The following CREB3L2 variants were observed in gnomAD, a reference collection of about 807,000 sequenced individuals.
CREB3L2 encodes the protein cAMP responsive element binding protein 3 like 2.
In CREB3L2, 23 loss-of-function variants were observed where a neutral mutation model predicts 57.2. The observed-to-expected ratio is 0.40, with a 90% CI of 0.29 to 0.57. The LOEUF (loss-of-function observed/expected upper bound fraction) is 0.57, where lower values mean the gene tolerates loss of function less well. Ranked by LOEUF, CREB3L2 falls within the 20% of genes least tolerant of loss-of-function variation. CREB3L2 has a pLI of 0.42. For synonymous variants in CREB3L2, 268 were observed against 265.1 expected, an observed-to-expected ratio of 1.01 and a Z score of -0.11; for missense variants, 628 against 634.7, an observed-to-expected ratio of 0.99 and a Z score of 0.11.
chr7:137,958,727 A>T (rs560938762), intron 1 of CREB3L2, among the ~76,000 whole-genome samples: 44 of 152,224 alleles, frequency 2.9e-4, no homozygotes, highest in Non-Finnish European at 5.7e-4. Flanking sequence ...AAAGACAACA[A>T]ATAAGCTGCT....
intron 1 of CREB3L2, among the ~76,000 whole-genome samples, chr7:137,958,533 T>C (rs775854833): frequency 3.3e-5 from 5 of 151,924 alleles, no homozygotes. Flanking sequence ...AGAAAAGAAA[T>C]CCTTGGCTGC....
intron 8 of CREB3L2, among the ~76,000 whole-genome samples, chr7:137,897,761 T>G (rs1483523495): frequency 2.6e-5 from 4 of 152,224 alleles, no homozygotes; most frequent in African/African-American, 9.6e-5. Context: ...AACAAAGAAG[T>G]ATGTACAATA....
chr7:137,946,808 A>ATATAGTTATC (rs1554501008), intron 1 of CREB3L2, among the ~76,000 whole-genome samples: 1 of 70,134 alleles, frequency 1.4e-5, no homozygotes, highest in African/African-American at 6.2e-5. Context: ...ATATAGTTAT[A>ATATAGTTATC]TATAGTTATC....
intron 1 of CREB3L2, among the ~76,000 whole-genome samples, chr7:137,966,749 C>G (rs1801414341): frequency 6.6e-6 from 1 of 152,200 alleles, no homozygotes; most frequent in Non-Finnish European, 1.5e-5. Flanking sequence ...TACTGACAAG[C>G]TGCTAGAACT....
At chr7:137,952,453 C>T (rs1349595128) in intron 1 of CREB3L2, among the ~76,000 whole-genome samples, 2 of 152,224 alleles carry the variant, frequency 1.3e-5, no homozygotes, top group Non-Finnish European at 1.5e-5. Context: ...CTTAGAGAAA[C>T]AGTGTCCATG....
At position 137,936,187 on chromosome 7, in the gene CREB3L2, C is replaced by CA. The variant is rs1800780378; in HGVS notation, c.103-7822dup. On this transcript the variant is annotated intron_variant, in intron 1 of 11. Transcript: ENST00000330387. ...TGAATAAAGGTCAGTCTTATAAAGA[C>CA]AGAGTTATCCCAAGGTGCAAAATGA... is the stretch of plus-strand genomic sequence containing the variant. 2.0e-5 allele frequency among the ~76,000 whole-genome samples: 3 copies of CA among 152,326 alleles called. No individual in the cohort carries two copies. The South Asian group carries it at 6.2e-4, about 32-fold the overall frequency.
chr7:137,890,504 C>T (rs1181676257), intron 8 of CREB3L2, among the ~76,000 whole-genome samples: 1 of 152,202 alleles, frequency 6.6e-6, no homozygotes, highest in African/African-American at 2.4e-5. Context: ...AGGATGACTG[C>T]TATGTGCCTT....
At chr7:137,912,035 G>C (rs886967121) in intron 4 of CREB3L2, among the ~76,000 whole-genome samples, 21 of 152,042 alleles carry the variant, frequency 1.4e-4, no homozygotes, top group Non-Finnish European at 2.5e-4. Flanking sequence ...AGAACAAAGA[G>C]GGAGAAACTC....
At chr7:137,964,112 C>T (rs1394317878) in intron 1 of CREB3L2, among the ~76,000 whole-genome samples, 1 of 152,016 alleles carries the variant, frequency 6.6e-6, no homozygotes, top group Non-Finnish European at 1.5e-5. Flanking sequence ...GTCAGGAGTT[C>T]GTAGACCAGC....
rs556644898 is a variant in CREB3L2, at chr7:137,930,651, A to G, written c.103-2285T>C. 6.7e-4 allele frequency among the ~76,000 whole-genome samples: 102 copies of G among 152,374 alleles called. No individual in the cohort carries two copies. The Middle Eastern group carries it at 0.014, about 20-fold the overall frequency. On this transcript the variant is annotated intron_variant, in intron 1 of 11. Coordinates refer to ENST00000330387, the MANE Select transcript of CREB3L2 (RefSeq NM_194071.4). ...TTCACTGACATCACAAACACGGGACATGGCATTTCATCAGGACAGAATGCA... is the reference window on the plus strand; with the variant it reads ...TTCACTGACATCACAAACACGGGACGTGGCATTTCATCAGGACAGAATGCA...
At chr7:137,915,786 T>C (rs1800115382) in intron 3 of CREB3L2, 51 bp downstream of exon 3, 2 of 1,499,854 alleles carry the variant, frequency 1.3e-6, no homozygotes, top group Admixed American at 3.7e-5. Flanking sequence ...AATGAGGATC[T>C]ATCTGTATCT....
rs58627909 is a variant in CREB3L2 at position 137,972,684 on chromosome 7, CAAAAAAAAAA to C, written c.102+28910_102+28919del. 2.5e-3 allele frequency among the ~76,000 whole-genome samples: 24 copies of C among 9,656 alleles called. 1 individual carries two copies. The highest frequency in any genetic ancestry group is 4.7e-3 in the African/African-American group (17 of 3,620). The allele number at this position is 9,656 out of a possible 152,430, so 6.3% of individuals were successfully genotyped here. A position where few individuals can be genotyped will look rare whatever the true frequency, so the allele number is the denominator to read the frequency against. On this transcript the variant is annotated intron_variant, in intron 1 of 11. Transcript: ENST00000330387. ...CAACACAGTGAGATCCCCGTCTCTA[CAAAAAAAAAA>C]AAAAAAAAAAAAAAAAAAATATATA...
At chr7:137,885,567 A>G in intron 8 of CREB3L2, 65 bp from the exon 9 acceptor site, 2 of 1,328,312 alleles carry the variant, frequency 1.5e-6, no homozygotes, top group Non-Finnish European at 2.2e-6. Flanking sequence ...TGATCTCTCC[A>G]TGTGACCCAA....
At chr7:137,899,081 G>A (rs372490565) in intron 8 of CREB3L2, among the ~76,000 whole-genome samples, 7,980 of 111,802 alleles carry the variant, frequency 0.071, 350 homozygotes, top group Admixed American at 0.11. Context: ...GAAAGAAAAG[G>A]AAGAAAAAGG....
At chr7:137,935,294 A>C (rs1333131931) in intron 1 of CREB3L2, among the ~76,000 whole-genome samples, 1 of 152,194 alleles carries the variant, frequency 6.6e-6, no homozygotes, top group Non-Finnish European at 1.5e-5. Context: ...AACATAATTA[A>C]AACAATAAAA....
chr7:137,942,231 C>G (rs1300787108), intron 1 of CREB3L2, among the ~76,000 whole-genome samples: 2 of 152,244 alleles, frequency 1.3e-5, no homozygotes, highest in Non-Finnish European at 2.9e-5. Context: ...TAAAGCTGAA[C>G]TGCACTATCA....
In CREB3L2 at chr7:137,876,531, G is replaced by GTGAA. The variant is rs1490362779; in HGVS notation, c.*3941_*3944dup. On this transcript the variant is annotated 3_prime_UTR_variant, in exon 12 of 12. Coordinates refer to ENST00000330387, the MANE Select transcript of CREB3L2 (RefSeq NM_194071.4). ...GTCTTAGGAGTAACTGAATGAGTGA[G>GTGAA]TGAATGAACGAAACATCTAAGTCTT... 2 of 232,996 alleles carry GTGAA rather than the reference G, an allele frequency of 8.6e-6. No individual in the cohort carries two copies. Among genetic ancestry groups the GTGAA allele is most frequent in the Non-Finnish European group, 1.7e-5 (2 of 118,014 alleles). The allele number at this position is 232,996 out of a possible 1,614,324, so 14.4% of individuals were successfully genotyped here.
chr7:137,966,873 A>G (rs9986846), intron 1 of CREB3L2, among the ~76,000 whole-genome samples: 17 of 152,180 alleles, frequency 1.1e-4, no homozygotes, highest in African/African-American at 4.1e-4. Context: ...AGGGCATGGA[A>G]GGAGGGTGTT....
chr7:137,996,306 C>A (rs1801987669), intron 1 of CREB3L2, among the ~76,000 whole-genome samples: 1 of 152,210 alleles, frequency 6.6e-6, no homozygotes, highest in Admixed American at 6.5e-5. Flanking sequence ...GAGAACATTA[C>A]AGTGAACACT....
Sources: allele counts gnomAD v4.1 joint callset (sites outside exome capture counted in the v4.1 genomes callset), GRCh38; gene constraint gnomAD v4.1.1; transcripts MANE v1.5; gene names NCBI Gene and HGNC (gene_info 2026-07-23, HGNC 2026-07-21).